Variants in CSMD3 observed in about 807,000 individuals in gnomAD.
CSMD3 encodes the protein CUB and sushi domain-containing protein 3.
Under a neutral mutation model 435.2 loss-of-function variants are expected in CSMD3, and 177 were observed. The ratio of observed to expected loss-of-function variants is 0.41; its 90% CI spans 0.36 to 0.46. CSMD3 has a LOEUF of 0.46. CSMD3 is among the 20% of genes least tolerant of loss of function. CSMD3 has a pLI of 0.34. For synonymous variants in CSMD3, 1,656 were observed against 1,520.5 expected (o/e 1.09, Z -2.07); for missense variants, 4,265 against 4,504.6 (o/e 0.95, Z 1.52).
intron 3 of CSMD3, among the ~76,000 whole-genome samples, chr8:113,223,669 T>G (rs2092994860): frequency 6.7e-6 from 1 of 149,730 alleles, no homozygotes; most frequent in Admixed American, 6.7e-5. Flanking sequence ...ATTTAGTGTC[T>G]GTGGTTTTAT....
chr8:112,322,262 G>A (rs1823069000), intron 45 of CSMD3, among the ~76,000 whole-genome samples: 1 of 152,030 alleles, frequency 6.6e-6, no homozygotes, highest in African/African-American at 2.4e-5. Flanking sequence ...GGAATATTCT[G>A]AGAATGACCT....
At chr8:113,293,363 TC>T (rs1171747776) in intron 2 of CSMD3, among the ~76,000 whole-genome samples, 3 of 152,000 alleles carry the variant, frequency 2.0e-5, no homozygotes, top group Non-Finnish European at 4.4e-5. Flanking sequence ...ATTTCTCCTT[TC>T]TCTCTTCCTT....
intron 23 of CSMD3, among the ~76,000 whole-genome samples, chr8:112,580,729 T>G (rs1275266132): frequency 6.6e-6 from 1 of 152,014 alleles, no homozygotes; most frequent in African/African-American, 2.4e-5. Flanking sequence ...GATCCAGCAG[T>G]GGATGCCCAA....
intron 41 of CSMD3, among the ~76,000 whole-genome samples, chr8:112,342,997 ATATT>A (rs1417988662): frequency 8.8e-5 from 3 of 34,040 alleles, no homozygotes; most frequent in South Asian, 9.8e-4. Context: ...TTATATATAT[ATATT>A]TATATATATA....
At chr8:112,671,254 T>C (rs566034928) in intron 16 of CSMD3, among the ~76,000 whole-genome samples, 57 of 152,188 alleles carry the variant, frequency 3.7e-4, no homozygotes, top group African/African-American at 1.3e-3. Context: ...GTTTGTTTTT[T>C]TTCCTCTGTA....
chr8:113,385,562 G>A (rs1305181149), intron 1 of CSMD3, among the ~76,000 whole-genome samples: 5 of 152,036 alleles, frequency 3.3e-5, no homozygotes, highest in African/African-American at 7.2e-5. Context: ...TCACATAATG[G>A]CTTTGACTAA....
intron 1 of CSMD3, among the ~76,000 whole-genome samples, chr8:113,355,720 T>A (rs13263297): frequency 0.035 from 2,505 of 71,610 alleles, 63 homozygotes; most frequent in African/African-American, 0.082. Flanking sequence ...AAAGTTTTAT[T>A]TTTATATATA....
intron 2 of CSMD3, among the ~76,000 whole-genome samples, chr8:113,306,812 C>T (rs139098586): frequency 2.8e-4 from 42 of 152,222 alleles, no homozygotes; most frequent in Non-Finnish European, 5.3e-4. Flanking sequence ...CTAACAATTA[C>T]ACAAGTGGGA....
At chr8:112,751,642 TTA>T (rs1491297337) in intron 13 of CSMD3, among the ~76,000 whole-genome samples, 190 of 143,662 alleles carry the variant, frequency 1.3e-3, no homozygotes, top group Admixed American at 1.9e-3. Context: ...TTTTTTTTTT[TTA>T]TATATTTTAC....
chr8:112,663,613 G>A (rs924278029), intron 17 of CSMD3, among the ~76,000 whole-genome samples: 16 of 151,700 alleles, frequency 1.1e-4, no homozygotes, highest in Non-Finnish European at 2.4e-4. Context: ...TTGTGCACAT[G>A]TACCCTAAAA....
At chr8:113,355,602 A>G (rs2094217156) in intron 1 of CSMD3, among the ~76,000 whole-genome samples, 2 of 151,248 alleles carry the variant, frequency 1.3e-5, no homozygotes, top group African/African-American at 4.9e-5. Flanking sequence ...GTACCATCAC[A>G]TTGAGGAATA....
At chr8:113,181,689 G>A (rs1452002837) in intron 3 of CSMD3, among the ~76,000 whole-genome samples, 1 of 151,900 alleles carries the variant, frequency 6.6e-6, no homozygotes, top group East Asian at 1.9e-4. Context: ...ATGATTATTC[G>A]AAGCTAACTC....
At chr8:113,005,035 A>T (rs538923838) in intron 6 of CSMD3, among the ~76,000 whole-genome samples, 107 of 151,996 alleles carry the variant, frequency 7.0e-4, no homozygotes, top group Non-Finnish European at 1.3e-3. Context: ...GCATATTCCA[A>T]ATGATATATA....
intron 32 of CSMD3, among the ~76,000 whole-genome samples, chr8:112,423,776 A>C (rs186085389): frequency 6.6e-6 from 1 of 152,266 alleles, no homozygotes; most frequent in Non-Finnish European, 1.5e-5. Context: ...ATGTAAAACT[A>C]ATTTGGATTA....
chr8:113,343,795 G>A (rs2094135004), intron 1 of CSMD3, among the ~76,000 whole-genome samples: 1 of 152,138 alleles, frequency 6.6e-6, no homozygotes, highest in Non-Finnish European at 1.5e-5. Context: ...ACTCAAGCCG[G>A]GTGCGGTGGC....
intron 1 of CSMD3, among the ~76,000 whole-genome samples, chr8:113,338,421 C>G (rs1184500096): frequency 1.3e-5 from 2 of 151,942 alleles, no homozygotes; most frequent in Non-Finnish European, 2.9e-5. Context: ...TATCCATACT[C>G]TACTTGCATA....
At chr8:112,807,176 G>A (rs12335236) in intron 12 of CSMD3, among the ~76,000 whole-genome samples, 79,380 of 151,966 alleles carry the variant, frequency 0.52, 21,258 homozygotes, top group East Asian at 0.76. Context: ...AGAGCCAGCT[G>A]GAGGACCCTT....
intron 24 of CSMD3, among the ~76,000 whole-genome samples, chr8:112,558,750 A>G (rs1053675625): frequency 6.6e-6 from 1 of 151,926 alleles, no homozygotes; most frequent in Non-Finnish European, 1.5e-5. Context: ...ACTGATCAAC[A>G]TAACTATTAA....
intron 13 of CSMD3, among the ~76,000 whole-genome samples, chr8:112,765,190 G>A (rs192524048): frequency 1.4e-4 from 21 of 151,670 alleles, no homozygotes; most frequent in African/African-American, 4.8e-4. Context: ...TTTATTGTGA[G>A]CAATGGAAAG....
Sources: allele counts gnomAD v4.1 joint callset (sites outside exome capture counted in the v4.1 genomes callset), GRCh38; gene constraint gnomAD v4.1.1; transcripts MANE v1.5; gene names NCBI Gene and HGNC (gene_info 2026-07-23, HGNC 2026-07-21).